KIF26B: variants seen among roughly 807,000 people sequenced by gnomAD.
The protein encoded by KIF26B is kinesin family member 26B.
KIF26B carries 63 observed loss-of-function variants against 151.2 expected under a neutral mutation model. The ratio of observed to expected loss-of-function variants is 0.42; its 90% CI spans 0.34 to 0.51. KIF26B has a LOEUF of 0.51. KIF26B is among the 20% of genes least tolerant of loss of function. KIF26B has a pLI of 0.07. For missense variants in KIF26B, 2,813 were observed against 2,913.6 expected (o/e 0.97, Z 0.79); for synonymous variants, 1,357 against 1,262.1 (o/e 1.08, Z -1.59).
chr1:245,258,065 T>A (rs188492839), intron 2 of KIF26B, among the ~76,000 whole-genome samples: 145 of 152,142 alleles, frequency 9.5e-4, no homozygotes, highest in African/African-American at 2.9e-3. Flanking sequence ...CTTGTCACAT[T>A]CTCCGGTGGT....
intron 9 of KIF26B, among the ~76,000 whole-genome samples, chr1:245,617,197 C>T (rs12727012): frequency 0.23 from 34,457 of 152,098 alleles, 4,500 homozygotes; most frequent in East Asian, 0.45. Flanking sequence ...CTGGGTTCCC[C>T]GCGATTCTCC....
At chr1:245,538,553 T>C (rs527987955) in intron 4 of KIF26B, among the ~76,000 whole-genome samples, 2 of 151,702 alleles carry the variant, frequency 1.3e-5, no homozygotes, top group Non-Finnish European at 2.9e-5. Context: ...GTGGCAGAGA[T>C]AAGAAAAAGG....
At chr1:245,196,079 T>C (rs984417298) in intron 2 of KIF26B, among the ~76,000 whole-genome samples, 2 of 152,186 alleles carry the variant, frequency 1.3e-5, no homozygotes, top group African/African-American at 4.8e-5. Context: ...TTCTAGTGTT[T>C]TGTATGGTTT....
intron 2 of KIF26B, among the ~76,000 whole-genome samples, chr1:245,212,961 G>A (rs1195992142): frequency 6.6e-6 from 1 of 152,264 alleles, no homozygotes; most frequent in Non-Finnish European, 1.5e-5. Flanking sequence ...GACCCAGTTA[G>A]ATTAAAGCTC....
At chr1:245,372,269 A>G (rs1285210675) in intron 3 of KIF26B, among the ~76,000 whole-genome samples, 4 of 152,176 alleles carry the variant, frequency 2.6e-5, no homozygotes, top group African/African-American at 9.7e-5. Context: ...GAGGTGGAGC[A>G]GTTTCATCCC....
chr1:245,175,827 T>C (rs986681602), intron 2 of KIF26B, among the ~76,000 whole-genome samples: 12 of 151,776 alleles, frequency 7.9e-5, no homozygotes, highest in Non-Finnish European at 1.3e-4. Context: ...TATTGAAGGG[T>C]GGAGAAATTT....
chr1:245,686,102 G>A lies in KIF26B; in HGVS notation c.3119G>A (p.Ser1040Asn), dbSNP rs199598281. The change falls in exon 12 of 15, where the codon AGC (serine) becomes AAC (asparagine). Residue 1040 changes from serine to asparagine, a missense_variant. Physicochemically the swap from Ser to Asn is conservative, Grantham distance 46. Coordinates refer to ENST00000407071, the MANE Select transcript of KIF26B (RefSeq NM_018012.4). The surrounding 1 kb of genome is among the most constrained non-coding windows in gnomAD (Gnocchi z 5.6). ...SQHSASPLVQSPSLQSSRESL... is the reference protein window; with the variant it reads ...SQHSASPLVQNPSLQSSRESL... ...CACAGCGCCTCCCCACTCGTGCAGAGCCCCAGCCTCCAGAGCAGCCGGGAG... is the reference window on the plus strand; with the variant it reads ...CACAGCGCCTCCCCACTCGTGCAGAACCCCAGCCTCCAGAGCAGCCGGGAG... 1.1e-4 allele frequency: 170 copies of A among 1,607,862 alleles called. No homozygotes were observed. In the African/African-American group the frequency reaches 2.0e-3, roughly 19 times the overall value.
Position 245,702,754 on chromosome 1 carries a change from C to G in KIF26B, c.*148C>G. On this transcript the variant is annotated 3_prime_UTR_variant, in exon 15 of 15. Coordinates refer to ENST00000407071, the MANE Select transcript of KIF26B (RefSeq NM_018012.4). The surrounding 1 kb of genome is among the most constrained non-coding windows in gnomAD (Gnocchi z 4.1). ...TCTGGAGCGGGCGTTGAGCGGAAGG[C>G]GAGTTTTCTTTTGTTTTCTGTAGGA... is the stretch of plus-strand genomic sequence containing the variant. The G allele has an allele frequency of 1.2e-6, 1 of 859,504 alleles. No individual in the cohort carries two copies. Among genetic ancestry groups the G allele is most frequent in the East Asian group, 2.6e-5 (1 of 38,374 alleles). The allele number at this position is 859,504 out of a possible 1,614,324, so 53.2% of individuals were successfully genotyped here. A position where few individuals can be genotyped will look rare whatever the true frequency, so the allele number is the denominator to read the frequency against.
At chr1:245,643,640 G>A in intron 9 of KIF26B, among the ~76,000 whole-genome samples, 1 of 152,088 alleles carries the variant, frequency 6.6e-6, no homozygotes, top group South Asian at 2.1e-4. Context: ...TACCCATGTG[G>A]TTATCATTTC....
chr1:245,545,475 T>C (rs1661723742), intron 5 of KIF26B, among the ~76,000 whole-genome samples: 1 of 152,158 alleles, frequency 6.6e-6, no homozygotes, highest in African/African-American at 2.4e-5. Context: ...TTTGAAATAA[T>C]GGACAAGGCA....
At chr1:245,511,644 G>A (rs1170374815) in intron 4 of KIF26B, among the ~76,000 whole-genome samples, 5 of 152,142 alleles carry the variant, frequency 3.3e-5, no homozygotes, top group African/African-American at 1.2e-4. Context: ...TGTTGACTAT[G>A]TTTCCTGTCC....
intron 4 of KIF26B, among the ~76,000 whole-genome samples, chr1:245,471,858 C>A (rs1487761508): frequency 6.6e-6 from 1 of 151,316 alleles, no homozygotes; most frequent in Non-Finnish European, 1.5e-5. Flanking sequence ...ATGGCACGAT[C>A]TCGGCTCACT....
intron 2 of KIF26B, among the ~76,000 whole-genome samples, chr1:245,194,797 G>A (rs1032489637): frequency 1.3e-5 from 2 of 152,156 alleles, no homozygotes; most frequent in Non-Finnish European, 2.9e-5. Context: ...CTGGTAATCA[G>A]GTATTGGCGT....
chr1:245,209,816 C>T (rs1257564647), intron 2 of KIF26B, among the ~76,000 whole-genome samples: 4 of 152,222 alleles, frequency 2.6e-5, no homozygotes, highest in Non-Finnish European at 5.9e-5. Context: ...GGTCTTGTGG[C>T]AGCTTGTGGG....
chr1:245,690,306 C>T (rs1480948604), intron 12 of KIF26B, among the ~76,000 whole-genome samples: 3 of 152,354 alleles, frequency 2.0e-5, no homozygotes, highest in East Asian at 1.9e-4. Flanking sequence ...TTCTGTGCAA[C>T]ACTAGGCTCT....
rs545025713 is a variant in KIF26B, at chr1:245,586,712, T to C, written c.1351-15865T>C. Among the ~76,000 whole-genome samples, 5 of 148,556 alleles carry C rather than the reference T, an allele frequency of 3.4e-5. No homozygotes were observed. In the South Asian group the frequency reaches 1.1e-3, roughly 32 times the overall value. ...TCCTGGCTAACAAGGTGAAACCCCG[T>C]CTCTACTAAAAAAAATACAAAAAAT... On this transcript the variant is annotated intron_variant, in intron 5 of 14. Transcript: ENST00000407071.
intron 2 of KIF26B, among the ~76,000 whole-genome samples, chr1:245,250,692 A>G (rs1670427288): frequency 6.6e-6 from 1 of 152,206 alleles, no homozygotes; most frequent in Non-Finnish European, 1.5e-5. Context: ...ACATCTTTTC[A>G]TAGTTTTATT....
chr1:245,694,873 A>G (rs550442060), intron 12 of KIF26B, among the ~76,000 whole-genome samples: 11 of 152,340 alleles, frequency 7.2e-5, no homozygotes, highest in African/African-American at 2.4e-4. Flanking sequence ...GCACTTGTAC[A>G]TGCCTGGACC....
intron 2 of KIF26B, among the ~76,000 whole-genome samples, chr1:245,186,474 G>A (rs1247664914): frequency 1.3e-5 from 2 of 152,196 alleles, no homozygotes; most frequent in African/African-American, 4.8e-5. Context: ...TAAGCTCCCT[G>A]CATCTGTGAG....
Sources: gnomAD v4.1 joint callset for allele counts (sites outside exome capture counted in the v4.1 genomes callset) on GRCh38, gnomAD v4.1.1 for gene constraint, Gnocchi (gnomAD v3.1) non-coding constraint, MANE v1.5 for transcripts, NCBI Gene and HGNC (gene_info 2026-07-23, HGNC 2026-07-21) for gene names.